RRP1B: variants seen among roughly 807,000 people sequenced by gnomAD.
RRP1B encodes the protein ribosomal RNA processing protein 1 homolog B.
A neutral mutation model predicts 80.2 loss-of-function variants in RRP1B; 56 were observed. That is an observed-to-expected ratio of 0.70 (90% confidence interval 0.56 to 0.87). The LOEUF (loss-of-function observed/expected upper bound fraction) is 0.87. RRP1B is among the 40% of genes least tolerant of loss of function. The probability of loss-of-function intolerance (pLI) is 0.00; values close to 1 mark genes in which losing one functional copy is unlikely to be tolerated. For missense variants in RRP1B, 807 were observed against 939.8 expected, an observed-to-expected ratio of 0.86 and a Z score of 1.85; for synonymous variants, 351 against 357.6, an observed-to-expected ratio of 0.98 and a Z score of 0.21.
rs370295404 is a variant in RRP1B, at chr21:43,690,268, C to G, written c.1867-20C>G. 1.2e-6 allele frequency: 2 copies of G among 1,613,376 alleles called. No individual in the cohort carries two copies. Among genetic ancestry groups the G allele is most frequent in the Non-Finnish European group, 1.7e-6 (2 of 1,179,630 alleles). ...CTGTCGTCTGACCCCTCCTCCGCTT[C>G]TCACCCCTCGCTCACGTAGGGAAGC... On this transcript the variant is annotated intron_variant, in intron 13 of 15. Transcript: ENST00000340648.
At chr21:43,668,231 A>G (rs1601751934) in intron 1 of RRP1B, among the ~76,000 whole-genome samples, 1 of 152,090 alleles carries the variant, frequency 6.6e-6, no homozygotes, top group Middle Eastern at 3.4e-3. Context: ...AAGAATCAAA[A>G]TGTACCATTA....
At chr21:43,687,383 A>G in intron 12 of RRP1B, 133 bp from the exon 13 acceptor site, 1 of 1,065,004 alleles carries the variant, frequency 9.4e-7, no homozygotes, top group Non-Finnish European at 1.3e-6. Context: ...CAAGTACCTC[A>G]AGGGAGACAG....
In RRP1B at chr21:43,691,178, G is replaced by A. The variant is rs1195181367; in HGVS notation, c.2020-261G>A. Among the ~76,000 whole-genome samples, 1 of 152,214 alleles carries A rather than the reference G, an allele frequency of 6.6e-6. No homozygotes were observed. The highest frequency in any genetic ancestry group is 2.4e-5 in the African/African-American group (1 of 41,462). On this transcript the variant is annotated intron_variant, in intron 14 of 15. Transcript: ENST00000340648. The surrounding 1 kb of genome is among the most constrained non-coding windows in gnomAD (Gnocchi z 4.2). ...GGCAGTGACCGCAGATGGGCCAAGA[G>A]TGTGGGCACCACTGACCCTGGGCTG...
At chr21:43,680,302 G>C (rs553144790) in intron 8 of RRP1B, among the ~76,000 whole-genome samples, 1 of 152,088 alleles carries the variant, frequency 6.6e-6, no homozygotes, top group South Asian at 2.1e-4. Context: ...GCCCAGGCCC[G>C]TAATCCCAGC....
rs1052809387 is a variant in RRP1B, at chr21:43,676,611, T to C, written c.615-122T>C. On this transcript the variant is annotated intron_variant, in intron 7 of 15. Transcript: ENST00000340648. ...TAGGCAGTTCCTCTCAGATGCTTGC[T>C]GGCCCGTGGGGGCCACTCCAGACCA... 6.6e-6 allele frequency: 6 copies of C among 911,310 alleles called. No homozygotes were observed. The African/African-American group carries it at 1.0e-4, about 15-fold the overall frequency. The allele number at this position is 911,310 out of a possible 1,614,324, so 56.5% of individuals were successfully genotyped here.
chr21:43,690,078 T>C (rs568506619), intron 13 of RRP1B, among the ~76,000 whole-genome samples: 1 of 152,398 alleles, frequency 6.6e-6, no homozygotes, highest in South Asian at 2.1e-4. Context: ...TCGCCCCTCT[T>C]GGCATGGTGC....
At chr21:43,675,319 G>A (rs9984724) in intron 6 of RRP1B, among the ~76,000 whole-genome samples, 156 bp downstream of exon 6, 9,335 of 152,236 alleles carry the variant, frequency 0.061, 944 homozygotes, top group African/African-American at 0.21. Flanking sequence ...CTAAGCAGCT[G>A]GTGGGATGGG....
In RRP1B at chr21:43,687,627, G is replaced by C; in HGVS notation, c.1253G>C (p.Gly418Ala). The change falls in exon 13 of 16, where the codon GGT becomes GCT. Residue 418 changes from glycine (G) to alanine (A), a missense_variant. Coordinates refer to ENST00000340648, the MANE Select transcript of RRP1B (RefSeq NM_015056.3). ...HLQPENPGPG[G>A]AAPSLEQNRG... The stretch of plus-strand genomic sequence containing the variant: ...CAGCCTGAAAATCCAGGCCCAGGGG[G>C]TGCAGCCCCATCCCTGGAACAGAAC... 6.5e-7 allele frequency: 1 copy of C among 1,548,232 alleles called. No homozygotes were observed. The highest frequency in any genetic ancestry group is 1.2e-5 in the South Asian group (1 of 81,608).
At chr21:43,673,816 A>G in intron 3 of RRP1B, 54 bp from the exon 4 acceptor site, 1 of 1,072,108 alleles carries the variant, frequency 9.3e-7, no homozygotes. Flanking sequence ...TTCTTGCTAT[A>G]TGGTAGTATG....
At chr21:43,687,058 C>A in intron 12 of RRP1B, 123 bp downstream of exon 12, 1 of 1,119,112 alleles carries the variant, frequency 8.9e-7, no homozygotes, top group Non-Finnish European at 1.3e-6. Flanking sequence ...AAGCTTCAGT[C>A]TTTAATGGCT....
At chr21:43,670,125 GC>G (rs1211083533) in intron 2 of RRP1B, among the ~76,000 whole-genome samples, 159 bp downstream of exon 2, 1 of 152,228 alleles carries the variant, frequency 6.6e-6, no homozygotes, top group African/African-American at 2.4e-5. Flanking sequence ...AGAAAGGGAT[GC>G]AGGGTCAACA....
chr21:43,695,243 G>A lies in RRP1B; in HGVS notation c.*1860G>A, dbSNP rs891198593. On this transcript the variant is annotated 3_prime_UTR_variant, in exon 16 of 16. Transcript: ENST00000340648. ...CAATTTTTATTTCAGCTTTAAAGATGGGTCATATAGCCAAACGGGCCATAT... is the reference window on the plus strand; with the variant it reads ...CAATTTTTATTTCAGCTTTAAAGATAGGTCATATAGCCAAACGGGCCATAT... 5.9e-5 allele frequency: 9 copies of A among 151,788 alleles called. No individual in the cohort carries two copies. Among genetic ancestry groups the A allele is most frequent in the African/African-American group, 2.2e-4 (9 of 41,272 alleles). The allele number at this position is 151,788 out of a possible 1,614,324, so 9.4% of individuals were successfully genotyped here. A position where few individuals can be genotyped will look rare whatever the true frequency, so the allele number is the denominator to read the frequency against.
chr21:43,677,633 C>T (rs1264146177), intron 8 of RRP1B, among the ~76,000 whole-genome samples: 2 of 152,200 alleles, frequency 1.3e-5, no homozygotes, highest in East Asian at 3.8e-4. Context: ...GGTACAAACT[C>T]TACATAGAAG....
chr21:43,688,696 C>T (rs2083074463), intron 13 of RRP1B, among the ~76,000 whole-genome samples: 1 of 152,176 alleles, frequency 6.6e-6, no homozygotes. Flanking sequence ...CCCCCCTACC[C>T]CCCAGCTCAA....
Position 43,685,752 on chromosome 21 carries a change from T to G in RRP1B, c.990-18T>G, listed in dbSNP as rs761125963. The G allele has an allele frequency of 4.7e-6, 7 of 1,479,854 alleles. No homozygotes were observed. The highest frequency in any genetic ancestry group is 2.0e-4 in the Middle Eastern group (1 of 5,108). 91.7% of individuals were successfully genotyped at this position (1,479,854 alleles called of 1,614,324 possible). ...TTGTTATTTTTTTATTTTTTATTTT[T>G]TATTTTTTTATTTTTAGATTCCAAG... On this transcript the variant is annotated intron_variant, in intron 10 of 15. Transcript: ENST00000340648.
At chr21:43,676,241 T>G in intron 6 of RRP1B, 31 bp from the exon 7 acceptor site, 6 of 1,504,950 alleles carry the variant, frequency 4.0e-6, no homozygotes, top group Non-Finnish European at 4.6e-6. Context: ...GAAAGGCTCT[T>G]TCTCAATTTT....
intron 1 of RRP1B, among the ~76,000 whole-genome samples, chr21:43,668,795 A>C (rs908821530): frequency 1.3e-5 from 2 of 152,180 alleles, no homozygotes; most frequent in Non-Finnish European, 2.9e-5. Context: ...CTCCTAGTAA[A>C]ATCCTAATAA....
intron 14 of RRP1B, 103 bp downstream of exon 14, chr21:43,690,543 C>A: frequency 7.6e-7 from 1 of 1,318,234 alleles, no homozygotes. Context: ...CCCACTGTGG[C>A]CCTCTGAGCC....
intron 4 of RRP1B, among the ~76,000 whole-genome samples, chr21:43,674,245 C>T (rs1263416332): frequency 6.6e-6 from 1 of 152,222 alleles, no homozygotes; most frequent in Non-Finnish European, 1.5e-5. Flanking sequence ...CGACCTCCGC[C>T]TCCTGGGTTC....
Sources: gnomAD v4.1 joint callset for allele counts (sites outside exome capture counted in the v4.1 genomes callset) on GRCh38, gnomAD v4.1.1 for gene constraint, Gnocchi (gnomAD v3.1) non-coding constraint, MANE v1.5 for transcripts, NCBI Gene and HGNC (gene_info 2026-07-23, HGNC 2026-07-21) for gene names.